Variants in TDRD15 observed in about 807,000 individuals in gnomAD.
TDRD15 encodes the protein tudor domain containing 15.
For synonymous variants in TDRD15, 503 were observed against 314.5 expected (o/e 1.60, Z -6.34); for missense variants, 1,416 against 904.7 (o/e 1.57, Z -7.25).
chr2:21,141,769 A>G lies in TDRD15; in HGVS notation c.4302A>G (p.Val1434=), dbSNP rs747278854. 1 of 714,578 alleles carries G rather than the reference A, an allele frequency of 1.4e-6. No individual in the cohort carries two copies. Among genetic ancestry groups the G allele is most frequent in the South Asian group, 1.5e-5 (1 of 67,234 alleles). The allele number at this position is 714,578 out of a possible 1,614,324, so 44.3% of individuals were successfully genotyped here. The change falls in exon 4 of 4, where the codon GTA becomes GTG. Residue 1434 remains valine (V), a synonymous_variant. Coordinates refer to ENST00000405799, the MANE Select transcript of TDRD15 (RefSeq NM_001306137.2). The part of the protein sequence containing the change: ...DKTVDYFTSK[V]HNKTVYCEFL... ...CTGTGGATTATTTTACTTCGAAAGT[A>G]CATAACAAAACAGTTTATTGTGAAT...
In TDRD15 at chr2:21,140,179, C is replaced by T. The variant is rs1220949497; in HGVS notation, c.2712C>T (p.Ala904=). Residue 904 remains alanine (A), a synonymous_variant, in exon 4 of 4, where the codon GCC becomes GCT. Transcript: ENST00000405799. Reference sequence around the variant, plus strand: ...GGTTATTGACTTGTATCATCTATGCCTTAGTTATTATACATCCAAACCATT... The same window carrying T: ...GGTTATTGACTTGTATCATCTATGCTTTAGTTATTATACATCCAAACCATT... ...SRGLLTCIIY[A]LVIIHPNHLY... The T allele has an allele frequency of 1.4e-6, 1 of 715,272 alleles. No individual in the cohort carries two copies. Among genetic ancestry groups the T allele is most frequent in the Non-Finnish European group, 2.6e-6 (1 of 383,868 alleles). The allele number at this position is 715,272 out of a possible 1,614,324, so 44.3% of individuals were successfully genotyped here.
Position 21,138,205 on chromosome 2 carries a change from G to A in TDRD15, c.738G>A (p.Lys246=), listed in dbSNP as rs554559172. 1.4e-6 allele frequency: 1 copy of A among 716,500 alleles called. No individual in the cohort carries two copies. Among genetic ancestry groups the A allele is most frequent in the Non-Finnish European group, 2.6e-6 (1 of 384,482 alleles). The allele number at this position is 716,500 out of a possible 1,614,324, so 44.4% of individuals were successfully genotyped here. ...SLSVGSTESV[K]VSSALSPSKF... ...CAGTAGGAAGTACTGAAAGTGTAAAGGTATCATCTGCATTGAGCCCAAGTA... is the reference window on the plus strand; with the variant it reads ...CAGTAGGAAGTACTGAAAGTGTAAAAGTATCATCTGCATTGAGCCCAAGTA... Residue 246 remains lysine, a synonymous_variant, in exon 4 of 4, where the codon AAG becomes AAA. Coordinates refer to ENST00000405799, the MANE Select transcript of TDRD15 (RefSeq NM_001306137.2).
At position 21,138,308 on chromosome 2, in the gene TDRD15, G is replaced by A. The variant is rs779323320; in HGVS notation, c.841G>A (p.Val281Ile). 18 of 716,476 alleles carry A rather than the reference G, an allele frequency of 2.5e-5. No individual in the cohort carries two copies. The highest frequency in any genetic ancestry group is 6.0e-5 in the Admixed American group (3 of 49,940). 44.4% of individuals were successfully genotyped at this position (716,476 alleles called of 1,614,324 possible). A position where few individuals can be genotyped will look rare whatever the true frequency, so the allele number is the denominator to read the frequency against. The change falls in exon 4 of 4, where the codon GTC (valine) becomes ATC (isoleucine). Residue 281 changes from valine (V) to isoleucine (I), a missense_variant. Coordinates refer to ENST00000405799, the MANE Select transcript of TDRD15 (RefSeq NM_001306137.2). ...TAHMTLHYDT[V>I]CQETSPTCDN... ...ACATATGACTTTGCATTATGATACC[G>A]TCTGTCAAGAAACTAGTCCCACGTG...
chr2:21,145,268 A>T (rs1666012852), downstream of TDRD15, among the ~76,000 whole-genome samples: 1 of 152,002 alleles, frequency 6.6e-6, no homozygotes, highest in South Asian at 2.1e-4. Context: ...TTCAACTCAG[A>T]TTTCTCTGAC....
At position 21,139,718 on chromosome 2, in the gene TDRD15, A is replaced by AT; in HGVS notation, c.2256dup (p.Arg753Ter). 1.4e-6 allele frequency: 1 copy of AT among 715,228 alleles called. No homozygotes were observed. The highest frequency in any genetic ancestry group is 2.6e-6 in the Non-Finnish European group (1 of 383,904). The allele number at this position is 715,228 out of a possible 1,614,324, so 44.3% of individuals were successfully genotyped here. A position where few individuals can be genotyped will look rare whatever the true frequency, so the allele number is the denominator to read the frequency against. On this transcript the variant is annotated frameshift_variant, in exon 4 of 4. Transcript: ENST00000405799. LOFTEE classifies it low-confidence loss of function (END_TRUNC). ...GTCATCCTGGCCTTATAAAGAATAT[A>AT]TTTTTAGACCAGGAACAGTTCTTGA...
rs1305348578 is a variant in TDRD15, at chr2:21,139,153, T to C, written c.1686T>C (p.Asn562=). 5.6e-6 allele frequency: 4 copies of C among 712,110 alleles called. No homozygotes were observed. Among genetic ancestry groups the C allele is most frequent in the Non-Finnish European group, 1.0e-5 (4 of 383,286 alleles). 44.1% of individuals were successfully genotyped at this position (712,110 alleles called of 1,614,324 possible). The change falls in exon 4 of 4, where the codon AAT becomes AAC. Residue 562 remains asparagine, a synonymous_variant. Transcript: ENST00000405799. The part of the protein sequence containing the change: ...VITEINGYKI[N]VYFLDYGNTD... ...CTGAAATTAATGGTTATAAGATTAATGTTTATTTTTTGGATTATGGTAATA... is the reference window on the plus strand; with the variant it reads ...CTGAAATTAATGGTTATAAGATTAACGTTTATTTTTTGGATTATGGTAATA...
In TDRD15 at chr2:21,142,610, C is replaced by G; in HGVS notation, c.5143C>G (p.Pro1715Ala). Residue 1715 changes from proline (P) to alanine (A), a missense_variant, in exon 4 of 4, where the codon CCT (proline) becomes GCT (alanine). Physicochemically the swap from Pro to Ala is conservative, Grantham distance 27. Transcript: ENST00000405799. ...TGTTTACAACATTGAATCTAAGACTCCTGTATCATCATGCACAATAAAATC... is the reference window on the plus strand; with the variant it reads ...TGTTTACAACATTGAATCTAAGACTGCTGTATCATCATGCACAATAAAATC... ...EIVYNIESKTPVSSCTIKSFT... is the reference protein window; with the variant it reads ...EIVYNIESKTAVSSCTIKSFT... 1.4e-6 allele frequency: 1 copy of G among 713,146 alleles called. No individual in the cohort carries two copies. Among genetic ancestry groups the G allele is most frequent in the East Asian group, 2.7e-5 (1 of 37,168 alleles). 44.2% of individuals were successfully genotyped at this position (713,146 alleles called of 1,614,324 possible).
chr2:21,126,541 T>C (rs1489756174), intron 1 of TDRD15, among the ~76,000 whole-genome samples: 3 of 152,106 alleles, frequency 2.0e-5, no homozygotes, highest in African/African-American at 7.2e-5. Context: ...TAATTTTGTA[T>C]TTTTAGTAGA....
In TDRD15 at chr2:21,138,406, C is replaced by T. The variant is rs1665855071; in HGVS notation, c.939C>T (p.Leu313=). The change falls in exon 4 of 4, where the codon CTC becomes CTT. Residue 313 remains leucine, a synonymous_variant. Coordinates refer to ENST00000405799, the MANE Select transcript of TDRD15 (RefSeq NM_001306137.2). ...GQWHRGILQQ[L]LPPNQVKIWF... is the part of the protein sequence containing the mutation. ...GGCATAGAGGAATTCTTCAGCAGCT[C>T]TTGCCCCCAAATCAAGTAAAAATTT... The T allele has an allele frequency of 1.4e-6, 1 of 715,928 alleles. No homozygotes were observed. The highest frequency in any genetic ancestry group is 1.5e-5 in the South Asian group (1 of 67,482). 44.3% of individuals were successfully genotyped at this position (715,928 alleles called of 1,614,324 possible). A position where few individuals can be genotyped will look rare whatever the true frequency, so the allele number is the denominator to read the frequency against.
Position 21,141,739 on chromosome 2 carries a change from C to T in TDRD15, c.4272C>T (p.Asp1424=), listed in dbSNP as rs1665937591. The T allele has an allele frequency of 1.4e-6, 1 of 715,052 alleles. No individual in the cohort carries two copies. The highest frequency in any genetic ancestry group is 2.0e-5 in the Admixed American group (1 of 49,832). 44.3% of individuals were successfully genotyped at this position (715,052 alleles called of 1,614,324 possible). The part of the protein sequence containing the change: ...KWNEPDEIWD[D]KTVDYFTSKV... ...ATGAGCCTGATGAAATATGGGATGACAAAACTGTGGATTATTTTACTTCGA... is the reference window on the plus strand; with the variant it reads ...ATGAGCCTGATGAAATATGGGATGATAAAACTGTGGATTATTTTACTTCGA... Residue 1424 remains aspartate (D), a synonymous_variant, in exon 4 of 4, where the codon GAC becomes GAT. Coordinates refer to ENST00000405799, the MANE Select transcript of TDRD15 (RefSeq NM_001306137.2).
chr2:21,135,353 A>G (rs1665788896), intron 3 of TDRD15, among the ~76,000 whole-genome samples: 1 of 151,730 alleles, frequency 6.6e-6, no homozygotes. Flanking sequence ...TTGTAGAGGC[A>G]GGTGAAAGAG....
chr2:21,135,250 T>C (rs1278587129), intron 3 of TDRD15, among the ~76,000 whole-genome samples: 1 of 150,500 alleles, frequency 6.6e-6, no homozygotes, highest in Non-Finnish European at 1.5e-5. Context: ...CTGAATTTTC[T>C]TTGAATTATT....
chr2:21,136,955 A>T, intron 3 of TDRD15, among the ~76,000 whole-genome samples: 1 of 151,998 alleles, frequency 6.6e-6, no homozygotes, highest in East Asian at 1.9e-4. Context: ...AAATATTGCG[A>T]GTTCCGCACA....
In TDRD15 at chr2:21,138,978, A is replaced by T. The variant is rs1166067026; in HGVS notation, c.1511A>T (p.His504Leu). Residue 504 changes from histidine to leucine, a missense_variant, in exon 4 of 4, where the codon CAT becomes CTT. His to Leu is a moderately conservative substitution (Grantham distance 99). Coordinates refer to ENST00000405799, the MANE Select transcript of TDRD15 (RefSeq NM_001306137.2). The part of the protein sequence containing the change: ...PSNFWVRTND[H>L]RNEFQEIMKN... ...AATTTCTGGGTACGCACTAATGACC[A>T]TCGGAATGAATTTCAAGAAATAATG... 1 of 712,778 alleles carries T rather than the reference A, an allele frequency of 1.4e-6. No individual in the cohort carries two copies. The highest frequency in any genetic ancestry group is 1.5e-5 in the South Asian group (1 of 66,788). 44.2% of individuals were successfully genotyped at this position (712,778 alleles called of 1,614,324 possible). A position where few individuals can be genotyped will look rare whatever the true frequency, so the allele number is the denominator to read the frequency against.
In TDRD15 at chr2:21,141,070, C is replaced by T. The variant is rs772218316; in HGVS notation, c.3603C>T (p.Pro1201=). ...GAAAAATAGACCAATTGATGCATCC[C>T]AAAAATATACATGCCAGGTTTTTGA... ...SERKIDQLMH[P]KNIHARFLKP... Residue 1201 remains proline (P), a synonymous_variant, in exon 4 of 4, where the codon CCC becomes CCT. Transcript: ENST00000405799. 2 of 704,322 alleles carry T rather than the reference C, an allele frequency of 2.8e-6. No homozygotes were observed. Among genetic ancestry groups the T allele is most frequent in the Middle Eastern group, 2.3e-4 (1 of 4,276 alleles). 43.6% of individuals were successfully genotyped at this position (704,322 alleles called of 1,614,324 possible). A position where few individuals can be genotyped will look rare whatever the true frequency, so the allele number is the denominator to read the frequency against.
chr2:21,138,036 T>A lies in TDRD15; in HGVS notation c.569T>A (p.Phe190Tyr). ...GGAAGACTTGTTGATGGAGATTCAT[T>A]TCGTCTTATTGTGGAAATGTTAGAA... ...QLGRLVDGDS[F>Y]RLIVEMLEEF... Residue 190 changes from phenylalanine to tyrosine, a missense_variant, in exon 4 of 4, where the codon TTT becomes TAT. Coordinates refer to ENST00000405799, the MANE Select transcript of TDRD15 (RefSeq NM_001306137.2). 1.4e-6 allele frequency: 1 copy of A among 716,324 alleles called. No individual in the cohort carries two copies. The highest frequency in any genetic ancestry group is 2.6e-6 in the Non-Finnish European group (1 of 384,454). 44.4% of individuals were successfully genotyped at this position (716,324 alleles called of 1,614,324 possible). A position where few individuals can be genotyped will look rare whatever the true frequency, so the allele number is the denominator to read the frequency against.
In TDRD15 at chr2:21,142,931, T is replaced by C. The variant is rs1665965230; in HGVS notation, c.5464T>C (p.Tyr1822His). The C allele has an allele frequency of 1.4e-6, 1 of 697,124 alleles. No individual in the cohort carries two copies. The highest frequency in any genetic ancestry group is 1.8e-5 in the African/African-American group (1 of 55,694). 43.2% of individuals were successfully genotyped at this position (697,124 alleles called of 1,614,324 possible). Residue 1822 changes from tyrosine (Y) to histidine (H), a missense_variant, in exon 4 of 4, where the codon TAT (tyrosine) becomes CAT (histidine). By Grantham distance (83) the Tyr-to-His change is moderately conservative. Coordinates refer to ENST00000405799, the MANE Select transcript of TDRD15 (RefSeq NM_001306137.2). ...LVLVDYGFSF[Y>H]IRYSEIINLK... Reference sequence around the variant, plus strand: ...GTTGGTTGACTATGGATTTTCTTTTTATATACGTTATTCAGAAATTATAAA... The same window carrying C: ...GTTGGTTGACTATGGATTTTCTTTTCATATACGTTATTCAGAAATTATAAA...
chr2:21,137,552 G>A lies in TDRD15; in HGVS notation c.85G>A (p.Val29Met). 1.4e-6 allele frequency: 1 copy of A among 713,704 alleles called. No individual in the cohort carries two copies. Among genetic ancestry groups the A allele is most frequent in the Non-Finnish European group, 2.6e-6 (1 of 383,626 alleles). The allele number at this position is 713,704 out of a possible 1,614,324, so 44.2% of individuals were successfully genotyped here. The part of the protein sequence containing the change: ...HIKCLPKDIL[V>M]KFQGIKSNEC... ...TAAATGTCTTCCCAAGGATATTCTG[G>A]TGAAATTTCAAGGCATAAAGAGTAA... Residue 29 changes from valine to methionine, a missense_variant, in exon 4 of 4, where the codon GTG becomes ATG. Physicochemically the swap from Val to Met is conservative, Grantham distance 21 (BLOSUM62 1). Coordinates refer to ENST00000405799, the MANE Select transcript of TDRD15 (RefSeq NM_001306137.2).
Position 21,140,754 on chromosome 2 carries a change from G to C in TDRD15, c.3287G>C (p.Ser1096Thr), listed in dbSNP as rs1359922229. Residue 1096 changes from serine to threonine, a missense_variant, in exon 4 of 4, where the codon AGT becomes ACT. Physicochemically the swap from Ser to Thr is moderately conservative, Grantham distance 58. Coordinates refer to ENST00000405799, the MANE Select transcript of TDRD15 (RefSeq NM_001306137.2). Reference sequence around the variant, plus strand: ...GTAGATATTCCAGCAGAAATCAGTAGTTGGTTTAAAGACAATTTCTTGGGA... The same window carrying C: ...GTAGATATTCCAGCAGAAATCAGTACTTGGTTTAAAGACAATTTCTTGGGA... ...RDVDIPAEIS[S>T]WFKDNFLGRS... 1 of 714,286 alleles carries C rather than the reference G, an allele frequency of 1.4e-6. No individual in the cohort carries two copies. The highest frequency in any genetic ancestry group is 2.6e-6 in the Non-Finnish European group (1 of 383,400). 44.2% of individuals were successfully genotyped at this position (714,286 alleles called of 1,614,324 possible).
Sources: gnomAD v4.1 joint callset for allele counts (sites outside exome capture counted in the v4.1 genomes callset) on GRCh38, gnomAD v4.1.1 for gene constraint, MANE v1.5 for transcripts, NCBI Gene and HGNC (gene_info 2026-07-23, HGNC 2026-07-21) for gene names.